IFT80: variants seen among roughly 807,000 people sequenced by gnomAD.
The protein encoded by IFT80 is intraflagellar transport protein 80 homolog.
Under a neutral mutation model 107.9 loss-of-function variants are expected in IFT80, and 79 were observed. That is an observed-to-expected ratio of 0.73 (90% confidence interval 0.61 to 0.88). The LOEUF is 0.88. IFT80 is among the 40% of genes least tolerant of loss of function. IFT80 has a pLI of 0.00. For missense variants in IFT80, 797 were observed against 914.2 expected (o/e 0.87, Z 1.65); for synonymous variants, 299 against 300.9 (o/e 0.99, Z 0.07).
At chr3:160,318,142 A>G (rs1426030163) in intron 9 of IFT80, among the ~76,000 whole-genome samples, 2 of 151,858 alleles carry the variant, frequency 1.3e-5, no homozygotes, top group Non-Finnish European at 2.9e-5. Flanking sequence ...AGCATGAACT[A>G]GTGATTACTG....
intron 6 of IFT80, among the ~76,000 whole-genome samples, chr3:160,363,123 T>C (rs897460754): frequency 5.3e-5 from 8 of 152,214 alleles, no homozygotes; most frequent in African/African-American, 1.9e-4. Flanking sequence ...AAAACCCCAT[T>C]ATCTCAGCCC....
chr3:160,389,477 C>A (rs1202173653), intron 1 of IFT80, among the ~76,000 whole-genome samples: 2 of 106,100 alleles, frequency 1.9e-5, no homozygotes, highest in Non-Finnish European at 3.7e-5. Flanking sequence ...ATATCCCTCC[C>A]CCCTCCCCCC....
At position 160,377,506 on chromosome 3, in the gene IFT80, C is replaced by T. The variant is rs1032542892; in HGVS notation, c.294G>A (p.Val98=). 2 of 1,608,460 alleles carry T rather than the reference C, an allele frequency of 1.2e-6. No individual in the cohort carries two copies. The highest frequency in any genetic ancestry group is 1.3e-5 in the African/African-American group (1 of 74,716). ...KFHLISKLGR[V]EKSVEAHCGA... ...CACAGTGAGCTTCTACACTTTTTTC[C>T]ACTCTTCCTAACTTGGAAATCAGAT... Residue 98 remains valine, a synonymous_variant, in exon 4 of 20, where the codon GTG becomes GTA. Transcript: ENST00000326448.
At chr3:160,372,561 C>A (rs1711605679) in intron 5 of IFT80, among the ~76,000 whole-genome samples, 1 of 152,188 alleles carries the variant, frequency 6.6e-6, no homozygotes. Flanking sequence ...ACTCAAAAAT[C>A]AGATGCATAG....
At position 160,377,594 on chromosome 3, in the gene IFT80, C is replaced by A. The variant is rs557721041; in HGVS notation, c.260-54G>T. 13 of 1,032,670 alleles carry A rather than the reference C, an allele frequency of 1.3e-5. No homozygotes were observed. The South Asian group carries it at 1.7e-4, about 13-fold the overall frequency. The allele number at this position is 1,032,670 out of a possible 1,614,324, so 64.0% of individuals were successfully genotyped here. A position where few individuals can be genotyped will look rare whatever the true frequency, so the allele number is the denominator to read the frequency against. On this transcript the variant is annotated intron_variant, in intron 3 of 19. Transcript: ENST00000326448. Reference sequence around the variant, plus strand: ...TTTTATTTATTCAATCAACAAAGCACCTACTACTAGACTAAGTAATAGGCA... The same window carrying A: ...TTTTATTTATTCAATCAACAAAGCAACTACTACTAGACTAAGTAATAGGCA...
At chr3:160,391,877 C>T (rs1012035349) in intron 1 of IFT80, among the ~76,000 whole-genome samples, 6 of 152,180 alleles carry the variant, frequency 3.9e-5, no homozygotes, top group Non-Finnish European at 8.8e-5. Flanking sequence ...AAATTACTGT[C>T]ATCAACAGCT....
intron 6 of IFT80, among the ~76,000 whole-genome samples, chr3:160,358,555 G>T (rs1382017835): frequency 1.3e-5 from 2 of 150,664 alleles, no homozygotes; most frequent in Non-Finnish European, 2.9e-5. Flanking sequence ...TATCTGTGGG[G>T]GATTGGTTCC....
chr3:160,318,847 T>A (rs1339259335), intron 9 of IFT80, among the ~76,000 whole-genome samples: 2 of 152,070 alleles, frequency 1.3e-5, no homozygotes, highest in African/African-American at 4.8e-5. Flanking sequence ...ATACAGGTCA[T>A]AAAACCTAGA....
intron 19 of IFT80, among the ~76,000 whole-genome samples, chr3:160,262,312 T>C (rs1433765831): frequency 6.6e-6 from 1 of 152,106 alleles, no homozygotes; most frequent in East Asian, 1.9e-4. Context: ...CTTCCAGAGA[T>C]TGGAAACCAT....
chr3:160,290,238 C>CT (rs1433153132), intron 12 of IFT80, among the ~76,000 whole-genome samples: 4 of 151,818 alleles, frequency 2.6e-5, no homozygotes. Context: ...GAAACCCCGT[C>CT]TCCCCTAAAA....
intron 12 of IFT80, among the ~76,000 whole-genome samples, chr3:160,292,910 G>T (rs1442345941): frequency 6.6e-6 from 1 of 152,132 alleles, no homozygotes; most frequent in Non-Finnish European, 1.5e-5. Context: ...GAAAGAAATT[G>T]TAACTATACT....
intron 1 of IFT80, among the ~76,000 whole-genome samples, chr3:160,393,669 G>A (rs1023041276): frequency 1.3e-5 from 2 of 151,696 alleles, no homozygotes; most frequent in Non-Finnish European, 2.9e-5. Context: ...AAAAAAAGAT[G>A]GTTTTTAAAA....
At chr3:160,350,417 A>C (rs1220955599) in intron 8 of IFT80, among the ~76,000 whole-genome samples, 20 of 35,862 alleles carry the variant, frequency 5.6e-4, no homozygotes, top group African/African-American at 2.0e-3. Context: ...CTCTGTCTCA[A>C]AAAAAAAAAA....
intron 3 of IFT80, among the ~76,000 whole-genome samples, chr3:160,380,036 C>CTTTT (rs11325261): frequency 1.5e-5 from 2 of 134,168 alleles, no homozygotes; most frequent in South Asian, 4.7e-4. Context: ...GTCTTTTTTT[C>CTTTT]TTTTTTTTTT....
intron 19 of IFT80, among the ~76,000 whole-genome samples, chr3:160,266,708 A>G (rs547754148): frequency 6.6e-6 from 1 of 152,284 alleles, no homozygotes; most frequent in South Asian, 2.1e-4. Context: ...TATGTTCTCA[A>G]AAGTATCAAA....
chr3:160,310,372 C>T (rs764207998), intron 9 of IFT80, among the ~76,000 whole-genome samples: 116 of 152,248 alleles, frequency 7.6e-4, no homozygotes, highest in Non-Finnish European at 1.1e-3. Context: ...ATCATGATAA[C>T]ATCAATGACA....
At chr3:160,378,593 A>G (rs930185636) in intron 3 of IFT80, among the ~76,000 whole-genome samples, 26 of 151,930 alleles carry the variant, frequency 1.7e-4, no homozygotes, top group Non-Finnish European at 2.8e-4. Context: ...AGCCTGGAAC[A>G]TCTTGTGCCA....
Position 160,384,559 on chromosome 3 carries a change from G to A in IFT80, c.37+5C>T. On this transcript the variant is annotated splice_donor_5th_base_variant and intron_variant, in intron 2 of 19. Transcript: ENST00000326448. ...CAATAAGATTTATAAGCATTAAAAG[G>A]ATATGCTTTGGTTCTTTTAAAAGAG... is the stretch of plus-strand genomic sequence containing the variant. 6.8e-7 allele frequency: 1 copy of A among 1,462,036 alleles called. No homozygotes were observed. The highest frequency in any genetic ancestry group is 9.6e-7 in the Non-Finnish European group (1 of 1,046,424). The allele number at this position is 1,462,036 out of a possible 1,614,324, so 90.6% of individuals were successfully genotyped here.
chr3:160,360,033 A>C (rs1253745307), intron 6 of IFT80, among the ~76,000 whole-genome samples: 2 of 152,228 alleles, frequency 1.3e-5, no homozygotes, highest in African/African-American at 4.8e-5. Context: ...TAGGCTTCAG[A>C]AGGTCAGTAA....
Sources: allele counts gnomAD v4.1 joint callset (sites outside exome capture counted in the v4.1 genomes callset), GRCh38; gene constraint gnomAD v4.1.1; transcripts MANE v1.5; gene names NCBI Gene and HGNC (gene_info 2026-07-23, HGNC 2026-07-21).